SH3GL3: variants seen among roughly 807,000 people sequenced by gnomAD.
SH3GL3 encodes SH3 domain containing GRB2 like 3, endophilin A3, also known as endophilin-A3.
A neutral mutation model predicts 47.7 loss-of-function variants in SH3GL3; 33 were observed. That is an observed-to-expected ratio of 0.69 (90% confidence interval 0.52 to 0.92). The LOEUF is 0.92. Ranked by LOEUF, SH3GL3 falls within the 40% of genes least tolerant of loss-of-function variation. The pLI is 0.00. For missense variants in SH3GL3, 363 were observed against 417.8 expected, an observed-to-expected ratio of 0.87 and a Z score of 1.14; for synonymous variants, 155 against 148.8, an observed-to-expected ratio of 1.04 and a Z score of -0.30.
At chr15:83,504,058 CTT>C (rs1033302235) in intron 1 of SH3GL3, among the ~76,000 whole-genome samples, 3 of 152,104 alleles carry the variant, frequency 2.0e-5, no homozygotes, top group African/African-American at 4.8e-5. Context: ...TCTAAGAACT[CTT>C]TATACATTTT....
At chr15:83,574,244 T>A (rs2059612460) in intron 5 of SH3GL3, among the ~76,000 whole-genome samples, 1 of 152,122 alleles carries the variant, frequency 6.6e-6, no homozygotes, top group African/African-American at 2.4e-5. Context: ...GCAAAGGGTA[T>A]GAGGGAGAAT....
At chr15:83,497,614 C>G (rs2042133074) in intron 1 of SH3GL3, among the ~76,000 whole-genome samples, 2 of 152,150 alleles carry the variant, frequency 1.3e-5, no homozygotes, top group Admixed American at 6.5e-5. Context: ...CTTCCCTTGA[C>G]TCTCTCTCCC....
At chr15:83,586,862 A>T (rs2059968544) in intron 6 of SH3GL3, 121 bp from the exon 7 acceptor site, 1 of 513,130 alleles carries the variant, frequency 1.9e-6, no homozygotes, top group African/African-American at 2.0e-5. Flanking sequence ...AATTAAATGA[A>T]ATGGACCAAG....
intron 1 of SH3GL3, among the ~76,000 whole-genome samples, chr15:83,462,272 A>G (rs1461955473): frequency 1.3e-5 from 2 of 152,246 alleles, no homozygotes; most frequent in Non-Finnish European, 2.9e-5. Flanking sequence ...CGTTGGAACA[A>G]GACATCATAA....
intron 7 of SH3GL3, 73 bp downstream of exon 7, chr15:83,587,159 C>T: frequency 1.4e-6 from 1 of 712,728 alleles, no homozygotes; most frequent in Admixed American, 2.6e-5. Flanking sequence ...CTGTCTGTCT[C>T]TCCATCTCTC....
intron 8 of SH3GL3, among the ~76,000 whole-genome samples, chr15:83,609,061 G>A (rs1357848001): frequency 6.6e-6 from 1 of 152,202 alleles, no homozygotes; most frequent in Non-Finnish European, 1.5e-5. Flanking sequence ...TGGAGTCAGA[G>A]GGAAGCCCAG....
intron 1 of SH3GL3, among the ~76,000 whole-genome samples, chr15:83,536,405 CTTT>C (rs386383625): frequency 8.8e-6 from 1 of 113,678 alleles, no homozygotes. Context: ...CTTTTCTTTT[CTTT>C]TTTTTTTTTT....
the SH3GL3 span, among the ~76,000 whole-genome samples, chr15:83,625,983 C>T: frequency 6.6e-6 from 1 of 152,114 alleles, no homozygotes; most frequent in Non-Finnish European, 1.5e-5. Flanking sequence ...CAGGCACCCA[C>T]CACCACACCC....
At chr15:83,455,181 G>A (rs1177802435) in intron 1 of SH3GL3, among the ~76,000 whole-genome samples, 1 of 57,590 alleles carries the variant, frequency 1.7e-5, no homozygotes, top group Non-Finnish European at 3.4e-5. Flanking sequence ...GAGATCCGCT[G>A]TTAGTCTGAT....
chr15:83,466,056 C>T (rs1396230474), intron 1 of SH3GL3, among the ~76,000 whole-genome samples: 2 of 152,194 alleles, frequency 1.3e-5, no homozygotes, highest in African/African-American at 4.8e-5. Context: ...CCCTCCTTAA[C>T]CCCTGGCAAC....
At chr15:83,607,978 C>T (rs1449521010) in intron 8 of SH3GL3, among the ~76,000 whole-genome samples, 3 of 151,692 alleles carry the variant, frequency 2.0e-5, no homozygotes, top group East Asian at 1.9e-4. Context: ...ATAAATGGCC[C>T]GCAGGTTTTG....
intron 1 of SH3GL3, among the ~76,000 whole-genome samples, chr15:83,550,059 A>C (rs751233866): frequency 1.4e-4 from 22 of 152,158 alleles, no homozygotes; most frequent in Non-Finnish European, 3.1e-4. Flanking sequence ...AAGTTGCAAA[A>C]CTAGTACAGA....
chr15:83,571,110 A>G (rs1292508826), intron 4 of SH3GL3, among the ~76,000 whole-genome samples: 4 of 152,168 alleles, frequency 2.6e-5, no homozygotes, highest in Non-Finnish European at 5.9e-5. Context: ...GGGGCCACAT[A>G]CTGGGACCTC....
intron 5 of SH3GL3, among the ~76,000 whole-genome samples, chr15:83,575,826 A>G (rs2059662113): frequency 6.6e-6 from 1 of 152,072 alleles, no homozygotes; most frequent in African/African-American, 2.4e-5. Context: ...CGAGGATTAT[A>G]GCCATAAACT....
At chr15:83,481,097 G>C (rs537593613) in intron 1 of SH3GL3, among the ~76,000 whole-genome samples, 1 of 152,062 alleles carries the variant, frequency 6.6e-6, no homozygotes, top group Non-Finnish European at 1.5e-5. Flanking sequence ...CCAACATGGC[G>C]AAACTTCCTC....
chr15:83,578,568 C>A (rs952525356), intron 6 of SH3GL3, among the ~76,000 whole-genome samples: 1 of 152,068 alleles, frequency 6.6e-6, no homozygotes, highest in African/African-American at 2.4e-5. Flanking sequence ...AGAATTTATT[C>A]TCCCAACTGG....
At chr15:83,607,444 TAGGA>T (rs2060547971) in intron 8 of SH3GL3, among the ~76,000 whole-genome samples, 1 of 152,064 alleles carries the variant, frequency 6.6e-6, no homozygotes, top group African/African-American at 2.4e-5. Context: ...ATGAGAGACA[TAGGA>T]AAAGTGTAAG....
chr15:83,501,027 T>C (rs1195917306), intron 1 of SH3GL3, among the ~76,000 whole-genome samples: 3 of 152,192 alleles, frequency 2.0e-5, no homozygotes. Context: ...ACTTAGTACT[T>C]TTTGGAATTG....
downstream of SH3GL3, among the ~76,000 whole-genome samples, chr15:83,621,222 G>A (rs961588482): frequency 2.0e-4 from 30 of 152,114 alleles, no homozygotes; most frequent in African/African-American, 7.0e-4. Context: ...TTGCATTCAC[G>A]ACTTAGCTAA....
Sources: gnomAD v4.1 joint callset for allele counts (sites outside exome capture counted in the v4.1 genomes callset) on GRCh38, gnomAD v4.1.1 for gene constraint, MANE v1.5 for transcripts, NCBI Gene and HGNC (gene_info 2026-07-23, HGNC 2026-07-21) for gene names.